The following ADCYAP1R1 variants were observed in gnomAD, a reference collection of about 807,000 sequenced individuals.
ADCYAP1R1 encodes the protein ADCYAP receptor type I, also known as pituitary adenylate cyclase-activating polypeptide type I receptor.
ADCYAP1R1 carries 44 observed loss-of-function variants against 67.6 expected under a neutral mutation model. That is an observed-to-expected ratio of 0.65 (90% CI 0.51 to 0.84). The LOEUF (loss-of-function observed/expected upper bound fraction) is 0.84. ADCYAP1R1 is among the 40% of genes least tolerant of loss of function. ADCYAP1R1 has a pLI of 0.00. For synonymous variants in ADCYAP1R1, 222 were observed against 219.6 expected, an observed-to-expected ratio of 1.01 and a Z score of -0.10; for missense variants, 477 against 587.9, an observed-to-expected ratio of 0.81 and a Z score of 1.95.
chr7:31,085,499 C>T (rs920732265), intron 9 of ADCYAP1R1, 57 bp downstream of exon 9: 1 of 1,554,456 alleles, frequency 6.4e-7, no homozygotes, highest in Non-Finnish European at 8.7e-7. Context: ...GCACCATCCC[C>T]TTGGTTCCCC....
intron 1 of ADCYAP1R1, among the ~76,000 whole-genome samples, chr7:31,062,049 A>G (rs1794528141): frequency 6.6e-6 from 1 of 152,202 alleles, no homozygotes; most frequent in Non-Finnish European, 1.5e-5. Flanking sequence ...CTGTTGACGG[A>G]TGCTTTGCTG....
rs566293788 is a variant in ADCYAP1R1, at chr7:31,092,746, T to C, written c.1046+11T>C. ...GTCCAGCATCTACTTGTAAGTACCA[T>C]TGTGTGGCTGCCACAGCCATTTCTG... On this transcript the variant is annotated intron_variant, in intron 13 of 15. Coordinates refer to ENST00000304166, the MANE Select transcript of ADCYAP1R1 (RefSeq NM_001118.5). 3.4e-5 allele frequency: 54 copies of C among 1,597,732 alleles called. No individual in the cohort carries two copies. The East Asian group carries it at 8.9e-4, about 26-fold the overall frequency.
Position 31,086,284 on chromosome 7 carries a change from G to A in ADCYAP1R1, c.670-100G>A, listed in dbSNP as rs1795739049. On this transcript the variant is annotated intron_variant, in intron 9 of 15. Coordinates refer to ENST00000304166, the MANE Select transcript of ADCYAP1R1 (RefSeq NM_001118.5). The surrounding 1 kb of genome is among the most constrained non-coding windows in gnomAD (Gnocchi z 5.0). ...ATTGACTCTCTTAGATCCTTGGGAT[G>A]TTTGAACCTGAGCATGCCAGAGCCA... is the stretch of plus-strand genomic sequence containing the variant. The A allele has an allele frequency of 8.2e-7, 1 of 1,215,826 alleles. No individual in the cohort carries two copies. Among genetic ancestry groups the A allele is most frequent in the Non-Finnish European group, 1.1e-6 (1 of 871,054 alleles). 75.3% of individuals were successfully genotyped at this position (1,215,826 alleles called of 1,614,324 possible).
chr7:31,087,946 A>C (rs1418060488), intron 12 of ADCYAP1R1, among the ~76,000 whole-genome samples: 1 of 152,220 alleles, frequency 6.6e-6, no homozygotes. Context: ...ATGTGGAAAT[A>C]TTTCTTTAGA....
intron 11 of ADCYAP1R1, 148 bp from the exon 12 acceptor site, chr7:31,087,479 G>C: frequency 1.4e-6 from 1 of 698,396 alleles, no homozygotes; most frequent in Non-Finnish European, 2.5e-6. Context: ...TCTGTAGCCC[G>C]CTGGAGAGCT....
chr7:31,058,312 G>A (rs1281776215), intron 1 of ADCYAP1R1, among the ~76,000 whole-genome samples: 1 of 152,214 alleles, frequency 6.6e-6, no homozygotes, highest in South Asian at 2.1e-4. Flanking sequence ...TCGCTCCCAT[G>A]TGCTGCCTGA....
chr7:31,055,006 A>G (rs1266926739), intron 1 of ADCYAP1R1, among the ~76,000 whole-genome samples: 1 of 152,232 alleles, frequency 6.6e-6, no homozygotes, highest in African/African-American at 2.4e-5. Flanking sequence ...CCGCCTGGCA[A>G]GATGGAGACT....
In ADCYAP1R1 at chr7:31,086,576, G is replaced by A. The variant is rs370815180; in HGVS notation, c.823+39G>A. 4.5e-5 allele frequency: 73 copies of A among 1,610,966 alleles called. No homozygotes were observed. The highest frequency in any genetic ancestry group is 1.3e-4 in the East Asian group (6 of 44,892). ...TGTGGCTTGGACAGGTTCAGGTCCC[G>A]TGGTCAGGTGTGTCCAGGTGTGTCT... is the stretch of plus-strand genomic sequence containing the variant. On this transcript the variant is annotated intron_variant, in intron 10 of 15. Transcript: ENST00000304166. The surrounding 1 kb of genome is among the most constrained non-coding windows in gnomAD (Gnocchi z 5.0).
chr7:31,085,439 C>T lies in ADCYAP1R1; in HGVS notation c.666C>T (p.Ser222=), dbSNP rs1485719956. The change falls in exon 9 of 16, where the codon TCC becomes TCT. Residue 222 remains serine, a synonymous_variant. Coordinates refer to ENST00000304166, the MANE Select transcript of ADCYAP1R1 (RefSeq NM_001118.5). The part of the protein sequence containing the change: ...AEQDSNHCFI[S]TVECKAVMVF... ...AGGACAGCAACCACTGCTTCATCTC[C>T]ACTGTGAGTGAGCCAAGCAGACCCA... The T allele has an allele frequency of 6.2e-7, 1 of 1,612,514 alleles. No individual in the cohort carries two copies. The highest frequency in any genetic ancestry group is 1.3e-5 in the African/African-American group (1 of 75,040).
At chr7:31,079,441 C>A (rs570024364) in intron 4 of ADCYAP1R1, among the ~76,000 whole-genome samples, 2 of 152,208 alleles carry the variant, frequency 1.3e-5, no homozygotes, top group Non-Finnish European at 2.9e-5. Context: ...TGTGACCTGG[C>A]CTTAGCGTTC....
chr7:31,062,423 T>C (rs1026426461), intron 1 of ADCYAP1R1, among the ~76,000 whole-genome samples: 2 of 152,044 alleles, frequency 1.3e-5, no homozygotes, highest in African/African-American at 4.8e-5. Flanking sequence ...TAGAGTGAGG[T>C]AGGGCAAAAA....
intron 4 of ADCYAP1R1, among the ~76,000 whole-genome samples, chr7:31,078,676 C>T (rs569960408): frequency 1.3e-5 from 2 of 152,302 alleles, no homozygotes; most frequent in Admixed American, 6.5e-5. Context: ...GCACAAGGCC[C>T]GTTGGGGCTG....
intron 12 of ADCYAP1R1, among the ~76,000 whole-genome samples, chr7:31,088,519 A>G (rs993012211): frequency 6.6e-6 from 1 of 152,232 alleles, no homozygotes; most frequent in Non-Finnish European, 1.5e-5. Flanking sequence ...TTACATGTGC[A>G]TCTTCAATCC....
chr7:31,076,757 G>A (rs751558322), intron 3 of ADCYAP1R1, among the ~76,000 whole-genome samples: 1 of 152,152 alleles, frequency 6.6e-6, no homozygotes, highest in Non-Finnish European at 1.5e-5. Flanking sequence ...GGTGGGGGGA[G>A]TGGAGCAGCA....
chr7:31,075,858 G>C (rs987872258), intron 3 of ADCYAP1R1, among the ~76,000 whole-genome samples: 1 of 152,152 alleles, frequency 6.6e-6, no homozygotes, highest in Non-Finnish European at 1.5e-5. Context: ...AGGGTGAAGG[G>C]ATAGAGAGTG....
At position 31,110,471 on chromosome 7, in the gene ADCYAP1R1, C is replaced by G. The variant is rs539503911; in HGVS notation, c.*3787C>G. On this transcript the variant is annotated 3_prime_UTR_variant, in exon 16 of 16. Transcript: ENST00000304166. ...CCCATTGGGCTGATGAGAAAATACA[C>G]GCAGGCCTAGCATGGTGCCTGCCAC... The G allele has an allele frequency of 6.6e-6, 1 of 152,128 alleles. No homozygotes were observed. The highest frequency in any genetic ancestry group is 1.5e-5 in the Non-Finnish European group (1 of 68,020). The allele number at this position is 152,128 out of a possible 1,614,324, so 9.4% of individuals were successfully genotyped here. A position where few individuals can be genotyped will look rare whatever the true frequency, so the allele number is the denominator to read the frequency against.
chr7:31,075,857 G>T (rs73688760), intron 3 of ADCYAP1R1, among the ~76,000 whole-genome samples: 1,655 of 152,258 alleles, frequency 0.011, 33 homozygotes, highest in African/African-American at 0.037. Context: ...TAGGGTGAAG[G>T]GATAGAGAGT....
At chr7:31,079,625 G>A (rs1377300890) in intron 4 of ADCYAP1R1, among the ~76,000 whole-genome samples, 1 of 152,236 alleles carries the variant, frequency 6.6e-6, no homozygotes, top group African/African-American at 2.4e-5. Flanking sequence ...GTCCTGGAGG[G>A]GGAGGGGCTT....
At chr7:31,055,619 A>G (rs1196701867) in intron 1 of ADCYAP1R1, among the ~76,000 whole-genome samples, 2 of 152,186 alleles carry the variant, frequency 1.3e-5, no homozygotes, top group Non-Finnish European at 2.9e-5. Context: ...ACCATTTAGA[A>G]ATGTAAAAAG....
Sources: gnomAD v4.1 joint callset for allele counts (sites outside exome capture counted in the v4.1 genomes callset) on GRCh38, gnomAD v4.1.1 for gene constraint, Gnocchi (gnomAD v3.1) non-coding constraint, MANE v1.5 for transcripts, NCBI Gene and HGNC (gene_info 2026-07-23, HGNC 2026-07-21) for gene names.